Variants in TMC1 observed in about 807,000 individuals in gnomAD.
The protein encoded by TMC1 is transmembrane channel like 1.
In TMC1, 84 loss-of-function variants were observed where a neutral mutation model predicts 105.8. That is an observed-to-expected ratio of 0.79 (90% confidence interval 0.67 to 0.95). The LOEUF is 0.95. TMC1 is among the 40% of genes least tolerant of loss of function. The pLI is 0.00. For missense variants in TMC1, 817 were observed against 914.1 expected (o/e 0.89, Z 1.37); for synonymous variants, 315 against 311.5 (o/e 1.01, Z -0.12).
intron 17 of TMC1, among the ~76,000 whole-genome samples, chr9:72,803,543 A>C (rs941304689): frequency 6.6e-6 from 1 of 152,206 alleles, no homozygotes; most frequent in South Asian, 2.1e-4. Flanking sequence ...CGAGAAAAAA[A>C]CATACAACCC....
intron 23 of TMC1, among the ~76,000 whole-genome samples, chr9:72,834,995 T>C (rs149285328): frequency 1.3e-5 from 2 of 152,330 alleles, no homozygotes; most frequent in East Asian, 3.9e-4. Flanking sequence ...TACTGTCTTT[T>C]TCCTCCCCTG....
chr9:72,829,082 T>C (rs1204443836), intron 21 of TMC1, among the ~76,000 whole-genome samples: 1 of 152,212 alleles, frequency 6.6e-6, no homozygotes, highest in African/African-American at 2.4e-5. Context: ...AAAGGTTGAT[T>C]GTGGCTCTGA....
intron 12 of TMC1, among the ~76,000 whole-genome samples, chr9:72,766,716 C>T (rs897834114): frequency 3.9e-5 from 6 of 152,174 alleles, no homozygotes; most frequent in African/African-American, 1.4e-4. Context: ...GTCCTTAACA[C>T]AACTTGATTC....
chr9:72,715,054 G>T (rs1475693489), intron 8 of TMC1, among the ~76,000 whole-genome samples: 1 of 152,116 alleles, frequency 6.6e-6, no homozygotes, highest in Non-Finnish European at 1.5e-5. Context: ...GAAATTCTGG[G>T]TTGAAAATTA....
At chr9:72,790,552 C>G (rs1003106814) in intron 15 of TMC1, among the ~76,000 whole-genome samples, 9 of 151,970 alleles carry the variant, frequency 5.9e-5, no homozygotes, top group African/African-American at 2.2e-4. Flanking sequence ...CAGCTTTGGT[C>G]CATTATTTAT....
intron 10 of TMC1, among the ~76,000 whole-genome samples, chr9:72,751,620 A>G (rs1319738155): frequency 3.9e-5 from 6 of 152,258 alleles, no homozygotes; most frequent in South Asian, 2.1e-4. Context: ...TGCAGTCTGC[A>G]TAACTGCATT....
At chr9:72,630,639 AGAT>A (rs759607645) in intron 4 of TMC1, among the ~76,000 whole-genome samples, 1 of 152,224 alleles carries the variant, frequency 6.6e-6, no homozygotes. Flanking sequence ...GCTGAAAAAA[AGAT>A]ACTGAAACAT....
intron 2 of TMC1, among the ~76,000 whole-genome samples, chr9:72,609,765 A>G (rs1824992598): frequency 6.6e-6 from 1 of 152,044 alleles, no homozygotes; most frequent in Non-Finnish European, 1.5e-5. Flanking sequence ...TCCACATCTG[A>G]TTCAAGCACT....
At chr9:72,832,645 C>T (rs927786243) in intron 23 of TMC1, among the ~76,000 whole-genome samples, 1 of 152,084 alleles carries the variant, frequency 6.6e-6, no homozygotes, top group Non-Finnish European at 1.5e-5. Context: ...AACAAATGTT[C>T]AAGACTTGGT....
chr9:72,796,402 C>G (rs1436624584), intron 17 of TMC1, among the ~76,000 whole-genome samples: 3 of 152,150 alleles, frequency 2.0e-5, no homozygotes, highest in Non-Finnish European at 4.4e-5. Context: ...CTACCAAAAC[C>G]TGGCAGAGAC....
chr9:72,685,456 C>T (rs182897993), intron 5 of TMC1, among the ~76,000 whole-genome samples: 7 of 151,312 alleles, frequency 4.6e-5, no homozygotes, highest in African/African-American at 1.7e-4. Context: ...CTCTGCCTCC[C>T]GGGTTCAGGT....
At chr9:72,542,507 C>G (rs979027431) in intron 1 of TMC1, among the ~76,000 whole-genome samples, 1 of 151,682 alleles carries the variant, frequency 6.6e-6, no homozygotes, top group Non-Finnish European at 1.5e-5. Flanking sequence ...GTAATCTCAG[C>G]TGCTCCTGAG....
Position 72,748,063 on chromosome 9 carries a change from ATGTTTAT to A in TMC1, c.536-3783_536-3777del, listed in dbSNP as rs11278184. Among the ~76,000 whole-genome samples the A allele has an allele frequency of 3.6e-3, 555 of 152,262 alleles. 6 individuals are homozygous for A. The highest frequency in any genetic ancestry group is 0.013 in the African/African-American group (532 of 41,546). ...TGTTTCAGAAACACATATTCATTGC[ATGTTTAT>A]TGTATATATCATAGTCTTAAGAAAA... is the stretch of plus-strand genomic sequence containing the variant. On this transcript the variant is annotated intron_variant, in intron 10 of 23. Transcript: ENST00000297784.
intron 5 of TMC1, among the ~76,000 whole-genome samples, chr9:72,653,439 C>CA (rs765267294): frequency 1.6e-4 from 24 of 152,126 alleles, no homozygotes; most frequent in South Asian, 8.3e-4. Context: ...AATAGACACA[C>CA]AAAAAACCTA....
intron 2 of TMC1, among the ~76,000 whole-genome samples, chr9:72,579,387 T>A (rs1824438528): frequency 1.3e-5 from 2 of 152,152 alleles, no homozygotes; most frequent in Admixed American, 1.3e-4. Flanking sequence ...GGGGCTCAAC[T>A]TCGGGCCTGG....
chr9:72,627,719 C>T (rs1265704624), intron 3 of TMC1, among the ~76,000 whole-genome samples: 2 of 152,152 alleles, frequency 1.3e-5, no homozygotes, highest in Non-Finnish European at 1.5e-5. Flanking sequence ...GAAGAGGCCA[C>T]GTAGCATGCA....
chr9:72,576,618 C>CTTTTTTTTTTT (rs71357588), intron 1 of TMC1, among the ~76,000 whole-genome samples: 1 of 135,148 alleles, frequency 7.4e-6, no homozygotes, highest in Non-Finnish European at 1.5e-5. Flanking sequence ...CTCCCAATTT[C>CTTTTTTTTTTT]TTTTTTTTTT....
At chr9:72,803,204 G>A (rs952097251) in intron 17 of TMC1, among the ~76,000 whole-genome samples, 2 of 152,026 alleles carry the variant, frequency 1.3e-5, no homozygotes, top group Non-Finnish European at 2.9e-5. Flanking sequence ...ATGGGACCCC[G>A]TCTATACACC....
intron 8 of TMC1, among the ~76,000 whole-genome samples, chr9:72,738,582 C>T (rs1382001592): frequency 6.6e-6 from 1 of 151,890 alleles, no homozygotes; most frequent in Non-Finnish European, 1.5e-5. Context: ...CACGCCTGGT[C>T]GATTTTTGTA....
Sources: allele counts gnomAD v4.1 joint callset (sites outside exome capture counted in the v4.1 genomes callset), GRCh38; gene constraint gnomAD v4.1.1; transcripts MANE v1.5; gene names NCBI Gene and HGNC (gene_info 2026-07-23, HGNC 2026-07-21).